Variants in RNF41 observed in about 807,000 individuals in gnomAD.
RNF41 encodes E3 ubiquitin-protein ligase NRDP1.
Under a neutral mutation model 33.0 loss-of-function variants are expected in RNF41, and 4 were observed. The observed-to-expected ratio is 0.12, with a 90% CI of 0.06 to 0.28. The LOEUF (loss-of-function observed/expected upper bound fraction) is 0.28, where lower values mean the gene tolerates loss of function less well. Among genes scored for constraint, RNF41 ranks in the 10% least tolerant of loss-of-function variants. RNF41 has a pLI of 1.00. For synonymous variants in RNF41, 164 were observed against 153.2 expected (o/e 1.07, Z -0.52); for missense variants, 228 against 432.6 (o/e 0.53, Z 4.19).
At position 56,207,705 on chromosome 12, in the gene RNF41, G is replaced by A; in HGVS notation, c.543C>T (p.Arg181=). 1 of 1,614,168 alleles carries A rather than the reference G, an allele frequency of 6.2e-7. No individual in the cohort carries two copies. The highest frequency in any genetic ancestry group is 2.2e-5 in the East Asian group (1 of 44,894). The change falls in exon 6 of 7, where the codon CGC becomes CGT. Residue 181 remains arginine (R), a synonymous_variant. Coordinates refer to ENST00000345093, the MANE Select transcript of RNF41 (RefSeq NM_005785.4). ...QLLKAYMRAI[R]SVNPNLQNLE... ...GGTTCTGAAGGTTGGGGTTGACACT[G>A]CGGATTGCACGCATGTATGCCTTTA...
At chr12:56,216,801 C>T (rs1235342978) in intron 1 of RNF41, among the ~76,000 whole-genome samples, 188 bp from the exon 2 acceptor site, 1 of 152,148 alleles carries the variant, frequency 6.6e-6, no homozygotes, top group Non-Finnish European at 1.5e-5. Flanking sequence ...AGGAAGCACA[C>T]ACACGGGGTC....
chr12:56,214,391 G>A (rs192851209), intron 2 of RNF41, among the ~76,000 whole-genome samples: 4 of 150,734 alleles, frequency 2.7e-5, no homozygotes, highest in African/African-American at 4.9e-5. Context: ...TGTGGTATGC[G>A]CATCTGTAAT....
At chr12:56,210,208 C>T in intron 4 of RNF41, 89 bp downstream of exon 4, 1 of 1,434,848 alleles carries the variant, frequency 7.0e-7, no homozygotes, top group South Asian at 1.3e-5. Context: ...GCCAAAGAGA[C>T]CTCCTCAGCT....
intron 2 of RNF41, among the ~76,000 whole-genome samples, chr12:56,214,887 C>T (rs974857200): frequency 6.6e-6 from 1 of 152,026 alleles, no homozygotes; most frequent in African/African-American, 2.4e-5. Flanking sequence ...TATAAGCACA[C>T]ATTTAAAATA....
chr12:56,210,231 A>G, intron 4 of RNF41, 66 bp downstream of exon 4: 8 of 1,560,702 alleles, frequency 5.1e-6, no homozygotes, highest in Non-Finnish European at 7.0e-6. Flanking sequence ...TGAGGAGGGC[A>G]GCCAGAGACA....
chr12:56,208,144 C>G lies in RNF41; in HGVS notation c.498+19G>C. 1.2e-6 allele frequency: 2 copies of G among 1,614,100 alleles called. No individual in the cohort carries two copies. Among genetic ancestry groups the G allele is most frequent in the Non-Finnish European group, 1.7e-6 (2 of 1,180,020 alleles). ...TCTGCATATGAGGGATATGTTCTCC[C>G]CCGTGTCTTGGGGCCTACCTGCTCC... On this transcript the variant is annotated intron_variant, in intron 5 of 6. Coordinates refer to ENST00000345093, the MANE Select transcript of RNF41 (RefSeq NM_005785.4).
intron 2 of RNF41, among the ~76,000 whole-genome samples, chr12:56,215,599 G>A (rs993404332): frequency 4.0e-5 from 6 of 149,808 alleles, no homozygotes; most frequent in Admixed American, 2.0e-4. Flanking sequence ...CGCACCTGTA[G>A]TCCCAGCTAC....
At chr12:56,213,269 C>G (rs574589879) in intron 3 of RNF41, 3 of 487,382 alleles carry the variant, frequency 6.2e-6, no homozygotes, top group Non-Finnish European at 9.9e-6. Context: ...GGCACAATCT[C>G]GGCTCACTGC....
In RNF41 at chr12:56,202,548, A is replaced by C. The variant is rs890856579; in HGVS notation, c.*3899T>G. On this transcript the variant is annotated 3_prime_UTR_variant, in exon 7 of 7. Transcript: ENST00000345093. ...CTGTATTCCAATAAAGTTTTTTACA[A>C]AAGCAGGCAGTGGGGTTGTAACCTG... is the stretch of plus-strand genomic sequence containing the variant. 5 of 152,244 alleles carry C rather than the reference A, an allele frequency of 3.3e-5. No homozygotes were observed. The East Asian group carries it at 9.6e-4, about 29-fold the overall frequency. 9.4% of individuals were successfully genotyped at this position (152,244 alleles called of 1,614,324 possible). A position where few individuals can be genotyped will look rare whatever the true frequency, so the allele number is the denominator to read the frequency against.
intron 1 of RNF41, among the ~76,000 whole-genome samples, chr12:56,219,163 G>A (rs957255125): frequency 2.6e-5 from 4 of 151,182 alleles, no homozygotes; most frequent in African/African-American, 9.7e-5. Context: ...GTGTCACCAT[G>A]CCAGGCTAAT....
chr12:56,218,125 T>C (rs1041145950), intron 1 of RNF41, among the ~76,000 whole-genome samples: 10 of 152,022 alleles, frequency 6.6e-5, no homozygotes, highest in Non-Finnish European at 1.5e-4. Flanking sequence ...GGCTAATTTT[T>C]GTATTTTTAG....
intron 3 of RNF41, among the ~76,000 whole-genome samples, chr12:56,212,054 C>T (rs1258847400): frequency 6.6e-6 from 1 of 152,210 alleles, no homozygotes; most frequent in Non-Finnish European, 1.5e-5. Flanking sequence ...GAGGCCAAGG[C>T]AGGCAGATCA....
At chr12:56,219,657 A>G (rs1213014416) in intron 1 of RNF41, among the ~76,000 whole-genome samples, 2 of 98,640 alleles carry the variant, frequency 2.0e-5, no homozygotes, top group Admixed American at 1.3e-4. Context: ...GTGTGTGTGT[A>G]TATATGTGTA....
Position 56,206,839 on chromosome 12 carries a change from C to T in RNF41, c.603-41G>A, listed in dbSNP as rs1868275040. On this transcript the variant is annotated intron_variant, in intron 6 of 6. Transcript: ENST00000345093. The surrounding 1 kb of genome is among the most constrained non-coding windows in gnomAD (Gnocchi z 5.7). ...TAAAGATGGTCATTCCAGCTCATCT[C>T]CTTTCTCTGTATTGGCTTTTTCTGC... 1 of 1,452,970 alleles carries T rather than the reference C, an allele frequency of 6.9e-7. No individual in the cohort carries two copies. Among genetic ancestry groups the T allele is most frequent in the South Asian group, 1.2e-5 (1 of 80,556 alleles). 90.0% of individuals were successfully genotyped at this position (1,452,970 alleles called of 1,614,324 possible). A position where few individuals can be genotyped will look rare whatever the true frequency, so the allele number is the denominator to read the frequency against.
intron 3 of RNF41, 23 bp from the exon 4 acceptor site, chr12:56,210,591 AG>A (rs1868400251): frequency 2.5e-6 from 4 of 1,603,148 alleles, no homozygotes; most frequent in Non-Finnish European, 3.4e-6. Flanking sequence ...ACAAGGCAAA[AG>A]GGGCGCAAGG....
intron 5 of RNF41, 56 bp from the exon 6 acceptor site, chr12:56,207,805 CAA>C: frequency 7.1e-7 from 1 of 1,415,222 alleles, no homozygotes; most frequent in Non-Finnish European, 1.0e-6. Context: ...AGAAAAAAGA[CAA>C]AAGTTTATCC....
At position 56,205,579 on chromosome 12, in the gene RNF41, GC is replaced by G. The variant is rs1328255461; in HGVS notation, c.*867del. ...ATTCTTAAAAAAAAGAGGGGGGGGGGCAGTAGGTGGAGTTTGTGAAATATAA... is the reference window on the plus strand; with the variant it reads ...ATTCTTAAAAAAAAGAGGGGGGGGGGAGTAGGTGGAGTTTGTGAAATATAA... On this transcript the variant is annotated 3_prime_UTR_variant, in exon 7 of 7. Coordinates refer to ENST00000345093, the MANE Select transcript of RNF41 (RefSeq NM_005785.4). 39 of 149,510 alleles carry G rather than the reference GC, an allele frequency of 2.6e-4. No individual in the cohort carries two copies. Among genetic ancestry groups the G allele is most frequent in the Admixed American group, 1.3e-3 (20 of 15,054 alleles). 9.3% of individuals were successfully genotyped at this position (149,510 alleles called of 1,614,324 possible).
chr12:56,212,867 GATA>G (rs1237633835), intron 3 of RNF41: 1 of 671,934 alleles, frequency 1.5e-6, no homozygotes, highest in Non-Finnish European at 2.3e-6. Context: ...TGGAAAATGT[GATA>G]ATCTCTAGAT....
chr12:56,214,140 T>C (rs1256973477), intron 2 of RNF41, 70 bp from the exon 3 acceptor site: 2 of 838,728 alleles, frequency 2.4e-6, no homozygotes, highest in Admixed American at 1.8e-5. Context: ...CATACACTCA[T>C]TGCCAAGATC....
Sources: allele counts gnomAD v4.1 joint callset (sites outside exome capture counted in the v4.1 genomes callset), GRCh38; gene constraint gnomAD v4.1.1; non-coding constraint Gnocchi (gnomAD v3.1); transcripts MANE v1.5; gene names NCBI Gene and HGNC (gene_info 2026-07-23, HGNC 2026-07-21).